The following EPHA6 variants were observed in gnomAD, a reference collection of about 807,000 sequenced individuals.
The protein encoded by EPHA6 is ephrin type-A receptor 6.
A neutral mutation model predicts 112.0 loss-of-function variants in EPHA6; 50 were observed. The observed-to-expected ratio is 0.45, with a 90% CI of 0.36 to 0.56. The LOEUF (loss-of-function observed/expected upper bound fraction) is 0.56. Among genes scored for constraint, EPHA6 ranks in the 20% least tolerant of loss-of-function variants. The pLI, the probability that EPHA6 is intolerant of heterozygous loss-of-function variation, is 0.00. For synonymous variants in EPHA6, 529 were observed against 490.7 expected (o/e 1.08, Z -1.03); for missense variants, 1,280 against 1,417.4 (o/e 0.90, Z 1.56).
chr3:97,376,932 T>G (rs773893105), intron 5 of EPHA6, among the ~76,000 whole-genome samples: 9 of 152,192 alleles, frequency 5.9e-5, no homozygotes, highest in Non-Finnish European at 8.8e-5. Flanking sequence ...AAAAACCATC[T>G]GGAATCTGAA....
At chr3:97,608,364 G>T (rs1030262366) in intron 12 of EPHA6, among the ~76,000 whole-genome samples, 1 of 151,398 alleles carries the variant, frequency 6.6e-6, no homozygotes, top group East Asian at 1.9e-4. Flanking sequence ...ATACTCCAGA[G>T]TGAGTTTCTT....
intron 6 of EPHA6, among the ~76,000 whole-genome samples, chr3:97,406,360 C>T (rs2087344655): frequency 6.6e-6 from 1 of 152,098 alleles, no homozygotes; most frequent in South Asian, 2.1e-4. Context: ...TTATTGATCT[C>T]ATTGTGGGAG....
intron 5 of EPHA6, among the ~76,000 whole-genome samples, chr3:97,358,740 A>G (rs983750853): frequency 6.6e-6 from 1 of 152,090 alleles, no homozygotes. Flanking sequence ...TTGCAGAGGA[A>G]GTCTACTCAT....
intron 2 of EPHA6, among the ~76,000 whole-genome samples, chr3:96,908,606 T>C (rs1438745855): frequency 6.6e-6 from 1 of 151,932 alleles, no homozygotes; most frequent in East Asian, 1.9e-4. Flanking sequence ...TTCCAGGATA[T>C]GCTCTATGTG....
intron 2 of EPHA6, among the ~76,000 whole-genome samples, chr3:96,924,495 G>C (rs1298006598): frequency 6.6e-6 from 1 of 152,108 alleles, no homozygotes; most frequent in East Asian, 1.9e-4. Flanking sequence ...TATTGATTTT[G>C]GATCCTGAGA....
intron 14 of EPHA6, among the ~76,000 whole-genome samples, chr3:97,643,995 G>T (rs1055219597): frequency 3.3e-5 from 5 of 151,132 alleles, no homozygotes; most frequent in Admixed American, 3.3e-4. Context: ...ATTTTTTTCA[G>T]CACCACACCA....
At chr3:97,446,792 T>G (rs931351034) in intron 6 of EPHA6, among the ~76,000 whole-genome samples, 7 of 152,284 alleles carry the variant, frequency 4.6e-5, no homozygotes, top group African/African-American at 1.4e-4. Flanking sequence ...AATATGTGTT[T>G]TAAGCCACCT....
chr3:97,319,667 C>CAAAAAAAAAAA (rs1340197693), intron 5 of EPHA6, among the ~76,000 whole-genome samples: 3 of 54,750 alleles, frequency 5.5e-5, no homozygotes, highest in African/African-American at 1.9e-4. Flanking sequence ...GAGATTGTCT[C>CAAAAAAAAAAA]AAAAAAAAAA....
At chr3:96,904,903 C>T (rs548996550) in intron 2 of EPHA6, among the ~76,000 whole-genome samples, 27 of 152,114 alleles carry the variant, frequency 1.8e-4, no homozygotes, top group South Asian at 1.0e-3. Context: ...AAATTGTAAA[C>T]GGACAACACT....
intron 2 of EPHA6, among the ~76,000 whole-genome samples, chr3:96,893,975 G>C (rs2038123216): frequency 6.6e-6 from 1 of 152,170 alleles, no homozygotes; most frequent in Non-Finnish European, 1.5e-5. Flanking sequence ...AAAATTACTT[G>C]TCATAGAAAA....
intron 14 of EPHA6, among the ~76,000 whole-genome samples, chr3:97,663,383 G>A (rs750714522): frequency 1.3e-5 from 2 of 150,790 alleles, no homozygotes; most frequent in African/African-American, 4.9e-5. Flanking sequence ...TGTGCACAAC[G>A]TGCAGGTTTG....
intron 5 of EPHA6, among the ~76,000 whole-genome samples, chr3:97,275,910 G>A (rs1424941470): frequency 1.3e-5 from 2 of 152,098 alleles, no homozygotes; most frequent in Non-Finnish European, 2.9e-5. Context: ...TGTAGCCTAG[G>A]AATAGTCAGG....
intron 5 of EPHA6, among the ~76,000 whole-genome samples, chr3:97,331,912 C>A (rs1420284006): frequency 6.6e-6 from 1 of 152,100 alleles, no homozygotes; most frequent in Non-Finnish European, 1.5e-5. Context: ...TTTTATGAGG[C>A]CAGCATCATC....
chr3:97,228,577 G>C (rs1553725804), intron 4 of EPHA6, among the ~76,000 whole-genome samples: 1 of 144,298 alleles, frequency 6.9e-6, no homozygotes, highest in Non-Finnish European at 1.6e-5. Flanking sequence ...TCATATAAAT[G>C]TTATATATAT....
rs539968822 is a variant in EPHA6 at position 97,636,994 on chromosome 3, T to A, written c.2575-879T>A. Among the ~76,000 whole-genome samples the A allele has an allele frequency of 2.0e-5, 3 of 152,308 alleles. No homozygotes were observed. The South Asian group carries it at 6.2e-4, about 32-fold the overall frequency. On this transcript the variant is annotated intron_variant, in intron 13 of 17. Coordinates refer to ENST00000389672, the MANE Select transcript of EPHA6 (RefSeq NM_001080448.3). ...TTTTCACACTTAAAATATTTTTATT[T>A]TTATTTCCTCTAATTTCAAGGGTAC...
At chr3:97,218,467 T>G (rs753204555) in intron 3 of EPHA6, among the ~76,000 whole-genome samples, 8 of 152,094 alleles carry the variant, frequency 5.3e-5, no homozygotes, top group Non-Finnish European at 1.2e-4. Context: ...AGGCACCTTT[T>G]TCACAAGACA....
intron 13 of EPHA6, among the ~76,000 whole-genome samples, chr3:97,623,585 C>A (rs994993044): frequency 6.6e-6 from 1 of 151,604 alleles, no homozygotes; most frequent in African/African-American, 2.4e-5. Context: ...ACAGAAGGGA[C>A]AAAAGCTGTG....
chr3:97,552,670 CAAATGGTAACCTCAGTGGTTAGCATTAA>C (rs1033110193), intron 11 of EPHA6, among the ~76,000 whole-genome samples: 2 of 152,120 alleles, frequency 1.3e-5, no homozygotes, highest in Admixed American at 1.3e-4. Flanking sequence ...AAACCTACTT[CAAATGGTAACCTCAGTGGTTAGCATTAA>C]AGAAAGGAAT....
Position 96,892,952 on chromosome 3 carries a change from A to ATGTG in EPHA6, c.450+26064_450+26065insGTGT, listed in dbSNP as rs755651627. The stretch of plus-strand genomic sequence containing the variant: ...GCCTGATTCCAACTTATATATATAT[A>ATGTG]TATGTGTGTGTGTGTGTGTGTGTGT... On this transcript the variant is annotated intron_variant, in intron 2 of 17. Coordinates refer to ENST00000389672, the MANE Select transcript of EPHA6 (RefSeq NM_001080448.3). Among the ~76,000 whole-genome samples the ATGTG allele has an allele frequency of 7.1e-4, 100 of 140,872 alleles. 1 individual carries two copies. Among genetic ancestry groups the ATGTG allele is most frequent in the African/African-American group, 2.7e-3 (91 of 33,276 alleles). 92.4% of individuals were successfully genotyped at this position (140,872 alleles called of 152,430 possible).
Sources: gnomAD v4.1 joint callset for allele counts (sites outside exome capture counted in the v4.1 genomes callset) on GRCh38, gnomAD v4.1.1 for gene constraint, MANE v1.5 for transcripts, NCBI Gene and HGNC (gene_info 2026-07-23, HGNC 2026-07-21) for gene names.